CSTPP1: variants seen among roughly 807,000 people sequenced by gnomAD.
The protein encoded by CSTPP1 is centriolar satellite-associated tubulin polyglutamylase complex regulator 1.
chr11:46,972,257 A>G, the CSTPP1 span, among the ~76,000 whole-genome samples: 4 of 152,300 alleles, frequency 2.6e-5, 1 homozygote, highest in South Asian at 6.2e-4. Flanking sequence ...CAGGTTTCCA[A>G]ATTGTCCTGG....
At chr11:46,995,418 C>T in the CSTPP1 span, among the ~76,000 whole-genome samples, 3 of 152,196 alleles carry the variant, frequency 2.0e-5, no homozygotes, top group Admixed American at 2.0e-4. Context: ...GCATTTAGTG[C>T]TATCAATTTC....
chr11:47,039,376 G>A, the CSTPP1 span, among the ~76,000 whole-genome samples: 1 of 127,664 alleles, frequency 7.8e-6, no homozygotes, highest in East Asian at 2.1e-4. Flanking sequence ...GGCGGCGCGC[G>A]CCCAGGCAGT....
At chr11:47,104,635 T>C in the CSTPP1 span, among the ~76,000 whole-genome samples, 1 of 152,218 alleles carries the variant, frequency 6.6e-6, no homozygotes, top group African/African-American at 2.4e-5. Context: ...ATGAGAAGAA[T>C]GGTTGTAAAT....
chr11:47,137,592 G>T, the CSTPP1 span: 1 of 1,613,120 alleles, frequency 6.2e-7, no homozygotes, highest in Non-Finnish European at 8.5e-7. Context: ...CAAAAAGAGG[G>T]CAGTGACTTG....
chr11:46,960,349 T>G, the CSTPP1 span, among the ~76,000 whole-genome samples: 1 of 152,176 alleles, frequency 6.6e-6, no homozygotes, highest in Admixed American at 6.6e-5. Context: ...ACTACCACCA[T>G]GATATAATTG....
At chr11:47,036,056 T>TA in the CSTPP1 span, among the ~76,000 whole-genome samples, 20 of 9,642 alleles carry the variant, frequency 2.1e-3, 5 homozygotes, top group African/African-American at 8.3e-3. Flanking sequence ...TATATATATA[T>TA]TATATATATA....
chr11:47,087,936 G>T, the CSTPP1 span, among the ~76,000 whole-genome samples: 1 of 152,118 alleles, frequency 6.6e-6, no homozygotes, highest in Non-Finnish European at 1.5e-5. Flanking sequence ...GGCTTGAATG[G>T]ATCTGGAGGG....
the CSTPP1 span, chr11:47,161,656 GC>G: frequency 1.3e-6 from 2 of 1,594,940 alleles, no homozygotes; most frequent in Non-Finnish European, 1.7e-6. Context: ...AAAGGGTCCT[GC>G]CCACAGCGCC....
the CSTPP1 span, among the ~76,000 whole-genome samples, chr11:47,043,050 T>A: frequency 6.6e-6 from 1 of 152,138 alleles, no homozygotes; most frequent in Non-Finnish European, 1.5e-5. Flanking sequence ...CACAATGCAG[T>A]AAGTGGGACT....
At chr11:47,046,334 G>T in the CSTPP1 span, among the ~76,000 whole-genome samples, 2 of 147,994 alleles carry the variant, frequency 1.4e-5, no homozygotes, top group South Asian at 4.2e-4. Flanking sequence ...CAGCAAAGTT[G>T]CAGGGGACAA....
the CSTPP1 span, among the ~76,000 whole-genome samples, chr11:47,032,491 TGG>T: frequency 3.3e-5 from 5 of 152,134 alleles, no homozygotes; most frequent in South Asian, 1.0e-3. Flanking sequence ...CTAAAGAAAA[TGG>T]AAGCATCTTC....
At chr11:47,026,559 T>G in the CSTPP1 span, among the ~76,000 whole-genome samples, 14 of 152,308 alleles carry the variant, frequency 9.2e-5, no homozygotes, top group Admixed American at 9.2e-4. Flanking sequence ...TTTTAATCAC[T>G]TTCCTTATTC....
At chr11:47,139,289 C>A in the CSTPP1 span, among the ~76,000 whole-genome samples, 1 of 152,072 alleles carries the variant, frequency 6.6e-6, no homozygotes, top group African/African-American at 2.4e-5. Context: ...ACCCACACTC[C>A]CACACACACC....
chr11:46,951,563 AC>A, the CSTPP1 span, among the ~76,000 whole-genome samples: 58 of 152,036 alleles, frequency 3.8e-4, no homozygotes, highest in Non-Finnish European at 7.5e-4. Context: ...GAGATTACAG[AC>A]GTGAGCCACC....
the CSTPP1 span, among the ~76,000 whole-genome samples, chr11:47,157,373 G>C: frequency 3.9e-5 from 6 of 152,344 alleles, no homozygotes; most frequent in East Asian, 1.2e-3. Flanking sequence ...CAAACCAGTT[G>C]TTGACTGAAA....
chr11:47,088,618 C>T, the CSTPP1 span, among the ~76,000 whole-genome samples: 3 of 152,210 alleles, frequency 2.0e-5, no homozygotes, highest in Non-Finnish European at 2.9e-5. Context: ...ACGATCTCAG[C>T]TCACTGCAAC....
the CSTPP1 span, among the ~76,000 whole-genome samples, chr11:47,139,769 C>T: frequency 1.3e-5 from 2 of 151,906 alleles, no homozygotes; most frequent in Non-Finnish European, 2.9e-5. Flanking sequence ...GAGGCTCAGA[C>T]GGGTGACAAT....
At chr11:47,019,810 C>T in the CSTPP1 span, among the ~76,000 whole-genome samples, 1 of 152,096 alleles carries the variant, frequency 6.6e-6, no homozygotes, top group African/African-American at 2.4e-5. Flanking sequence ...GCTGTTGGCA[C>T]CCATAGACTT....
the CSTPP1 span, among the ~76,000 whole-genome samples, chr11:46,955,709 C>T: frequency 3.3e-5 from 5 of 151,888 alleles, no homozygotes; most frequent in South Asian, 6.3e-4. Context: ...AAGAAATGGT[C>T]GGCCTAGCGT....
Sources: gnomAD v4.1 joint callset for allele counts (sites outside exome capture counted in the v4.1 genomes callset) on GRCh38, gnomAD v4.1.1 for gene constraint, MANE v1.5 for transcripts, NCBI Gene and HGNC (gene_info 2026-07-23, HGNC 2026-07-21) for gene names.